DST: variants seen among roughly 807,000 people sequenced by gnomAD.
DST encodes the protein dystonin, also known as bullous pemphigoid antigen.
In DST, 253 loss-of-function variants were observed where a neutral mutation model predicts 875.2. The observed-to-expected ratio is 0.29, with a 90% CI of 0.26 to 0.32. The LOEUF (loss-of-function observed/expected upper bound fraction) is 0.32, where lower values mean the gene tolerates loss of function less well. Among genes scored for constraint, DST ranks in the 10% least tolerant of loss-of-function variants. The pLI, the probability that DST is intolerant of heterozygous loss-of-function variation, is 1.00. For synonymous variants in DST, 3,124 were observed against 3,197.1 expected (o/e 0.98, Z 0.77); for missense variants, 8,287 against 9,111.6 (o/e 0.91, Z 3.68).
intron 88 of DST, chr6:56,484,305 A>C (rs2095493503): frequency 6.6e-6 from 1 of 152,136 alleles, no homozygotes; most frequent in Non-Finnish European, 1.5e-5. Flanking sequence ...ACTTTTGTAG[A>C]CTTGACCAAT....
At chr6:56,711,298 T>C (rs1224268771) in intron 5 of DST, among the ~76,000 whole-genome samples, 1 of 152,236 alleles carries the variant, frequency 6.6e-6, no homozygotes, top group Non-Finnish European at 1.5e-5. Context: ...TTCTCTTCTA[T>C]ACAGTTTCGC....
chr6:56,627,410 T>G, intron 33 of DST, 123 bp from the exon 34 acceptor site: 1 of 766,800 alleles, frequency 1.3e-6, no homozygotes, highest in Non-Finnish European at 2.3e-6. Flanking sequence ...CCCTTTGCAC[T>G]TAATACACAA....
chr6:56,908,086 C>CATATATATATGTGTGTGTGTATATATAT (rs1562364037), intron 2 of DST, among the ~76,000 whole-genome samples: 1 of 147,738 alleles, frequency 6.8e-6, no homozygotes, highest in African/African-American at 2.5e-5. Context: ...AAAGAAAATA[C>CATATATATATGTGTGTGTGTATATATAT]ATATATATAT....
rs2095527587 is a variant in DST at position 56,485,378 on chromosome 6, C to T, written c.21141G>A (p.Gln7047=). The change falls in exon 88 of 104, where the codon CAG becomes CAA. Residue 7047 remains glutamine, a synonymous_variant. Coordinates refer to ENST00000680361, the MANE Select transcript of DST (RefSeq NM_001374736.1). ...CATGAACAGGCTGGTCTTCTGCCAG[C>T]TGGGGTTCAACTCTATATAACCAAT... ...LIDWLYRVEP[Q]LAEDQPVHGD... is the part of the protein sequence containing the mutation. The T allele has an allele frequency of 4.3e-6, 7 of 1,613,780 alleles. No homozygotes were observed. The highest frequency in any genetic ancestry group is 1.3e-5 in the African/African-American group (1 of 74,920).
intron 48 of DST, among the ~76,000 whole-genome samples, chr6:56,593,344 T>A (rs1030695345): frequency 6.6e-6 from 1 of 151,426 alleles, no homozygotes; most frequent in Non-Finnish European, 1.5e-5. Context: ...TGAAACCCCA[T>A]CTCTACTAAA....
chr6:56,509,589 G>A (rs567960383), intron 74 of DST, 53 bp downstream of exon 74: 14 of 1,363,882 alleles, frequency 1.0e-5, no homozygotes, highest in African/African-American at 1.0e-4. Flanking sequence ...TGAGTAAACC[G>A]CATAAACATT....
At chr6:56,751,060 A>G (rs1038903593) in intron 4 of DST, among the ~76,000 whole-genome samples, 48 of 152,192 alleles carry the variant, frequency 3.2e-4, no homozygotes, top group African/African-American at 1.1e-3. Context: ...TTAACCCCCA[A>G]TGCTTCAGGT....
intron 5 of DST, among the ~76,000 whole-genome samples, chr6:56,708,424 A>C (rs542794034): frequency 6.6e-6 from 1 of 152,080 alleles, no homozygotes; most frequent in South Asian, 2.1e-4. Flanking sequence ...TTTAACTTCT[A>C]TAATGCTTGA....
chr6:56,632,578 GA>G (rs1282708110), intron 28 of DST, among the ~76,000 whole-genome samples: 1 of 152,180 alleles, frequency 6.6e-6, no homozygotes, highest in Non-Finnish European at 1.5e-5. Flanking sequence ...TTCTGAAACT[GA>G]AGGATTGCAA....
rs368444250 is a variant in DST, at chr6:56,832,569, T to A, written c.625+18828A>T. Among the ~76,000 whole-genome samples the A allele has an allele frequency of 5.3e-5, 8 of 150,560 alleles. No homozygotes were observed. In the East Asian group the frequency reaches 7.8e-4, roughly 15 times the overall value. The stretch of plus-strand genomic sequence containing the variant: ...TTGCCCAGTCTCTGGTATGTCTTTA[T>A]CAGCAGTATGAAAACAGACTAATGC... On this transcript the variant is annotated intron_variant, in intron 4 of 103. Transcript: ENST00000680361.
intron 88 of DST, chr6:56,483,778 T>C (rs1192279317): frequency 6.6e-6 from 1 of 152,104 alleles, no homozygotes; most frequent in African/African-American, 2.4e-5. Context: ...GCCATATCTA[T>C]AGGTTTCTAT....
intron 4 of DST, among the ~76,000 whole-genome samples, chr6:56,804,226 G>C (rs13201733): frequency 6.6e-6 from 1 of 151,938 alleles, no homozygotes; most frequent in African/African-American, 2.4e-5. Context: ...GGTAATCAGA[G>C]AGATCATCTG....
chr6:56,776,761 C>A (rs1283785143), intron 4 of DST, among the ~76,000 whole-genome samples: 1 of 152,024 alleles, frequency 6.6e-6, no homozygotes, highest in Non-Finnish European at 1.5e-5. Flanking sequence ...AACTCTACAC[C>A]TAAATTATTT....
intron 9 of DST, among the ~76,000 whole-genome samples, chr6:56,682,144 A>G (rs752939274): frequency 6.6e-6 from 1 of 152,172 alleles, no homozygotes; most frequent in Non-Finnish European, 1.5e-5. Flanking sequence ...GACCTTGGCA[A>G]TCAGAAAGTC....
chr6:56,542,131 G>A, intron 61 of DST, among the ~76,000 whole-genome samples: 1 of 152,012 alleles, frequency 6.6e-6, no homozygotes, highest in East Asian at 1.9e-4. Context: ...GACAAACACA[G>A]GGACCTGGTA....
chr6:56,525,850 T>G (rs952300553), intron 69 of DST, among the ~76,000 whole-genome samples: 6 of 152,262 alleles, frequency 3.9e-5, no homozygotes, highest in Middle Eastern at 3.4e-3. Context: ...ATAGACAAAT[T>G]GGAACCTATC....
At chr6:56,845,529 A>C (rs2099806241) in intron 4 of DST, among the ~76,000 whole-genome samples, 1 of 152,242 alleles carries the variant, frequency 6.6e-6, no homozygotes, top group South Asian at 2.1e-4. Flanking sequence ...TAAGTCTTTA[A>C]GGTTACTAGA....
At chr6:56,475,768 T>C (rs2095156180) in intron 92 of DST, among the ~76,000 whole-genome samples, 1 of 152,152 alleles carries the variant, frequency 6.6e-6, no homozygotes, top group Non-Finnish European at 1.5e-5. Context: ...TTGTACCCAC[T>C]GAAGCCAGGG....
At chr6:56,697,430 G>A (rs111933013) in intron 9 of DST, among the ~76,000 whole-genome samples, 3 of 152,090 alleles carry the variant, frequency 2.0e-5, no homozygotes, top group Non-Finnish European at 2.9e-5. Context: ...AGCAAAAAAC[G>A]ATTTGAGAAT....
Sources: gnomAD v4.1 joint callset for allele counts (sites outside exome capture counted in the v4.1 genomes callset) on GRCh38, gnomAD v4.1.1 for gene constraint, MANE v1.5 for transcripts, NCBI Gene and HGNC (gene_info 2026-07-23, HGNC 2026-07-21) for gene names.